Variants in CPQ observed in about 807,000 individuals in gnomAD.
CPQ encodes Ser-Met dipeptidase.
CPQ carries 37 observed loss-of-function variants against 45.7 expected under a neutral mutation model. The observed-to-expected ratio is 0.81, with a 90% CI of 0.62 to 1.07. The LOEUF is 1.07. Among genes scored for constraint, CPQ ranks in the 50% least tolerant of loss-of-function variants. The pLI is 0.00. For synonymous variants in CPQ, 186 were observed against 205.8 expected (o/e 0.90, Z 0.82); for missense variants, 537 against 572.9 (o/e 0.94, Z 0.64).
intron 3 of CPQ, among the ~76,000 whole-genome samples, chr8:96,870,650 T>C (rs188573404): frequency 1.3e-4 from 20 of 152,110 alleles, no homozygotes. Flanking sequence ...GTAAGAGTCC[T>C]TCACAGGGTT....
chr8:97,096,509 C>T (rs2130573043), intron 7 of CPQ, among the ~76,000 whole-genome samples: 1 of 152,230 alleles, frequency 6.6e-6, no homozygotes, highest in African/African-American at 2.4e-5. Context: ...CTAAAACGTA[C>T]AACTACTATA....
intron 7 of CPQ, among the ~76,000 whole-genome samples, chr8:97,120,188 T>C (rs539158817): frequency 3.3e-5 from 5 of 152,184 alleles, no homozygotes; most frequent in Admixed American, 6.5e-5. Flanking sequence ...GGAGCAGCTC[T>C]TCATGTGGCT....
intron 3 of CPQ, among the ~76,000 whole-genome samples, chr8:96,867,058 G>T (rs1812005188): frequency 6.6e-6 from 1 of 152,028 alleles, no homozygotes; most frequent in South Asian, 2.1e-4. Flanking sequence ...TGCCTTAAAG[G>T]CATTTATTTC....
chr8:96,779,955 A>G (rs1208456920), intron 1 of CPQ, among the ~76,000 whole-genome samples: 1 of 152,168 alleles, frequency 6.6e-6, no homozygotes, highest in Non-Finnish European at 1.5e-5. Context: ...AGTTTTCATA[A>G]TTTTTCAAAA....
chr8:96,709,655 T>G (rs918773504), intron 1 of CPQ, among the ~76,000 whole-genome samples: 1 of 152,170 alleles, frequency 6.6e-6, no homozygotes, highest in Non-Finnish European at 1.5e-5. Flanking sequence ...GCATACTCAT[T>G]TATTCTGAGT....
Position 96,729,491 on chromosome 8 carries a change from G to C in CPQ, c.-34-55373G>C, listed in dbSNP as rs533103795. Among the ~76,000 whole-genome samples, 9 of 152,222 alleles carry C rather than the reference G, an allele frequency of 5.9e-5. No homozygotes were observed. In the East Asian group the frequency reaches 1.7e-3, roughly 29 times the overall value. ...TTTCTAGCCATACCCATTTTTCAAG[G>C]ATGATCTATTTAAAAATTATTTTTC... On this transcript the variant is annotated intron_variant, in intron 1 of 7. Coordinates refer to ENST00000220763, the MANE Select transcript of CPQ (RefSeq NM_016134.4).
chr8:96,956,925 C>A (rs1385328666), intron 4 of CPQ, among the ~76,000 whole-genome samples: 1 of 152,206 alleles, frequency 6.6e-6, no homozygotes, highest in Admixed American at 6.5e-5. Flanking sequence ...GCTTGGATAG[C>A]AAGCTGGATG....
At chr8:96,772,723 A>G (rs1297406028) in intron 1 of CPQ, among the ~76,000 whole-genome samples, 2 of 152,214 alleles carry the variant, frequency 1.3e-5, no homozygotes, top group African/African-American at 4.8e-5. Context: ...GATATGATAG[A>G]AATTGAAATG....
At chr8:97,059,084 T>C (rs1810502874) in intron 6 of CPQ, among the ~76,000 whole-genome samples, 1 of 152,136 alleles carries the variant, frequency 6.6e-6, no homozygotes, top group South Asian at 2.1e-4. Context: ...TTAAGAGTTA[T>C]CCACGGACCT....
intron 3 of CPQ, among the ~76,000 whole-genome samples, chr8:96,845,125 G>T (rs1003261060): frequency 1.6e-4 from 24 of 152,146 alleles, no homozygotes; most frequent in African/African-American, 5.8e-4. Flanking sequence ...TAACTGAAAG[G>T]TTCTTTTTGT....
At chr8:96,797,001 T>G (rs1810939052) in intron 2 of CPQ, among the ~76,000 whole-genome samples, 1 of 152,196 alleles carries the variant, frequency 6.6e-6, no homozygotes, top group Admixed American at 6.5e-5. Flanking sequence ...ATGATGCAGA[T>G]TTTAAATTGA....
At chr8:96,703,285 G>A (rs1435947031) in intron 1 of CPQ, among the ~76,000 whole-genome samples, 1 of 152,104 alleles carries the variant, frequency 6.6e-6, no homozygotes, top group East Asian at 1.9e-4. Flanking sequence ...AGTTTAGCTT[G>A]ATGCACAGTC....
At chr8:96,890,976 C>G (rs138511469) in intron 4 of CPQ, among the ~76,000 whole-genome samples, 1 of 152,168 alleles carries the variant, frequency 6.6e-6, no homozygotes, top group Non-Finnish European at 1.5e-5. Context: ...GAACTTCACT[C>G]GAGCCCTGCA....
At position 97,100,688 on chromosome 8, in the gene CPQ, C is replaced by T. The variant is rs549583452; in HGVS notation, c.1255+34478C>T. Among the ~76,000 whole-genome samples, 3 of 152,096 alleles carry T rather than the reference C, an allele frequency of 2.0e-5. No individual in the cohort carries two copies. In the East Asian group the frequency reaches 5.8e-4, roughly 29 times the overall value. ...GAATTTATAGGTTAAAAATGGTAAACTTGAAGAGCTTTTTTAAAACATGGT... is the reference window on the plus strand; with the variant it reads ...GAATTTATAGGTTAAAAATGGTAAATTTGAAGAGCTTTTTTAAAACATGGT... On this transcript the variant is annotated intron_variant, in intron 7 of 7. Coordinates refer to ENST00000220763, the MANE Select transcript of CPQ (RefSeq NM_016134.4).
At chr8:96,922,729 CT>C (rs1199101734) in intron 4 of CPQ, among the ~76,000 whole-genome samples, 1 of 152,198 alleles carries the variant, frequency 6.6e-6, no homozygotes, top group Non-Finnish European at 1.5e-5. Flanking sequence ...TGGAAAGATG[CT>C]ACATATCTGT....
chr8:96,907,374 G>A (rs1713045538), intron 4 of CPQ, among the ~76,000 whole-genome samples: 1 of 152,068 alleles, frequency 6.6e-6, no homozygotes, highest in Non-Finnish European at 1.5e-5. Flanking sequence ...GCTCAGACCT[G>A]GAAATGGCAC....
chr8:97,001,453 A>G (rs1464668835), intron 5 of CPQ, among the ~76,000 whole-genome samples: 3 of 152,142 alleles, frequency 2.0e-5, no homozygotes, highest in Non-Finnish European at 4.4e-5. Flanking sequence ...TTTAACATGA[A>G]TCGTTGTTGA....
intron 1 of CPQ, among the ~76,000 whole-genome samples, chr8:96,675,083 AATT>A (rs1174129644): frequency 6.6e-6 from 1 of 152,070 alleles, no homozygotes; most frequent in Non-Finnish European, 1.5e-5. Context: ...AGAGAAAAGA[AATT>A]ATATTTAAAA....
intron 6 of CPQ, among the ~76,000 whole-genome samples, chr8:97,049,085 C>A (rs1480027575): frequency 6.6e-6 from 1 of 152,158 alleles, no homozygotes; most frequent in Non-Finnish European, 1.5e-5. Context: ...AATTTCCCAG[C>A]TAATTATTTC....
Sources: allele counts gnomAD v4.1 joint callset (sites outside exome capture counted in the v4.1 genomes callset), GRCh38; gene constraint gnomAD v4.1.1; transcripts MANE v1.5; gene names NCBI Gene and HGNC (gene_info 2026-07-23, HGNC 2026-07-21).